LOC128092253: variants seen among roughly 807,000 people sequenced by gnomAD.
At chr6:133,956,064 G>A in the LOC128092253 span, among the ~76,000 whole-genome samples, 1 of 152,164 alleles carries the variant, frequency 6.6e-6, no homozygotes, top group Non-Finnish European at 1.5e-5. Context: ...ATCTAGTTGA[G>A]TGAACATGAG....
the LOC128092253 span, among the ~76,000 whole-genome samples, chr6:133,958,767 G>A: frequency 5.9e-5 from 9 of 151,952 alleles, no homozygotes; most frequent in African/African-American, 1.9e-4. Flanking sequence ...TACTATAGAG[G>A]TTTATATAAA....
At chr6:133,955,552 T>C in the LOC128092253 span, among the ~76,000 whole-genome samples, 6 of 152,208 alleles carry the variant, frequency 3.9e-5, no homozygotes, top group South Asian at 4.1e-4. Flanking sequence ...TCATGTTAGA[T>C]GTTCTGTATT....
At chr6:133,956,322 T>A in the LOC128092253 span, among the ~76,000 whole-genome samples, 3 of 152,230 alleles carry the variant, frequency 2.0e-5, no homozygotes, top group Non-Finnish European at 2.9e-5. Context: ...TTGTTGTGCC[T>A]TCTGTATGTC....
the LOC128092253 span, among the ~76,000 whole-genome samples, chr6:133,967,372 C>T: frequency 6.6e-6 from 1 of 152,108 alleles, no homozygotes; most frequent in African/African-American, 2.4e-5. Context: ...TATATTAGAG[C>T]TTCCATAAAT....
chr6:133,970,966 T>C, the LOC128092253 span, among the ~76,000 whole-genome samples: 2 of 152,150 alleles, frequency 1.3e-5, no homozygotes, highest in Non-Finnish European at 2.9e-5. Flanking sequence ...AAGCCTCTCT[T>C]CTAGCTATTT....
the LOC128092253 span, among the ~76,000 whole-genome samples, chr6:133,972,375 T>A: frequency 2.2e-4 from 33 of 152,350 alleles, no homozygotes; most frequent in Admixed American, 1.0e-3. Flanking sequence ...AGGACCATGT[T>A]ATACAGACAT....
chr6:133,966,534 G>A, the LOC128092253 span, among the ~76,000 whole-genome samples: 2 of 152,102 alleles, frequency 1.3e-5, no homozygotes, highest in East Asian at 3.8e-4. Flanking sequence ...CCTGAGCAAT[G>A]GACTTTTAGC....
the LOC128092253 span, among the ~76,000 whole-genome samples, chr6:133,956,075 G>C: frequency 1.3e-5 from 2 of 152,258 alleles, no homozygotes; most frequent in Admixed American, 1.3e-4. Flanking sequence ...TGAACATGAG[G>C]ACTGTTTTTA....
chr6:133,970,399 T>C, the LOC128092253 span, among the ~76,000 whole-genome samples: 1 of 152,206 alleles, frequency 6.6e-6, no homozygotes, highest in Non-Finnish European at 1.5e-5. Context: ...TGGACATTCT[T>C]ATCTAACCTA....
chr6:133,974,544 G>A, the LOC128092253 span, among the ~76,000 whole-genome samples: 3 of 152,180 alleles, frequency 2.0e-5, no homozygotes, highest in African/African-American at 4.8e-5. Flanking sequence ...GGTCAGGCTG[G>A]TCTCAAACTC....
chr6:133,963,874 CAAAAAA>C, the LOC128092253 span, among the ~76,000 whole-genome samples: 2 of 94,438 alleles, frequency 2.1e-5, no homozygotes, highest in African/African-American at 3.8e-5. Flanking sequence ...ACTAAAAATA[CAAAAAA>C]AAAAAAAAAA....
chr6:133,978,382 TGAGA>T, the LOC128092253 span, among the ~76,000 whole-genome samples: 1 of 152,214 alleles, frequency 6.6e-6, no homozygotes, highest in African/African-American at 2.4e-5. Flanking sequence ...TGTTACAATA[TGAGA>T]ACACTGAGAC....
the LOC128092253 span, among the ~76,000 whole-genome samples, chr6:133,961,441 A>G: frequency 1.4e-5 from 2 of 142,068 alleles, no homozygotes; most frequent in Non-Finnish European, 3.1e-5. Context: ...ATCCTTTAAG[A>G]TCTCTTTTTA....
At chr6:133,972,251 A>AT in the LOC128092253 span, among the ~76,000 whole-genome samples, 1 of 152,236 alleles carries the variant, frequency 6.6e-6, no homozygotes, top group East Asian at 1.9e-4. Context: ...TTCTAACAAA[A>AT]TTAACAGTAA....
At chr6:133,956,839 C>T in the LOC128092253 span, among the ~76,000 whole-genome samples, 6 of 152,154 alleles carry the variant, frequency 3.9e-5, no homozygotes, top group Non-Finnish European at 7.3e-5. Context: ...TGAGTAGACA[C>T]GATATTTGCT....
the LOC128092253 span, among the ~76,000 whole-genome samples, chr6:133,956,768 A>T: frequency 3.6e-4 from 55 of 152,340 alleles, no homozygotes; most frequent in Non-Finnish European, 5.9e-4. Context: ...ACACTTTCTC[A>T]AGCATGATTA....
chr6:133,972,678 G>GTGTT, the LOC128092253 span, among the ~76,000 whole-genome samples: 599 of 151,020 alleles, frequency 4.0e-3, 3 homozygotes, highest in East Asian at 0.023. Context: ...TATGATCTTG[G>GTGTT]TGTTTGTTTG....
the LOC128092253 span, among the ~76,000 whole-genome samples, chr6:133,956,429 A>G: frequency 6.6e-6 from 1 of 152,198 alleles, no homozygotes; most frequent in East Asian, 1.9e-4. Context: ...ACATGTGTGT[A>G]ATAAAACATG....
the LOC128092253 span, among the ~76,000 whole-genome samples, chr6:133,967,326 AATTAG>A: frequency 6.6e-6 from 1 of 152,232 alleles, no homozygotes; most frequent in Non-Finnish European, 1.5e-5. Flanking sequence ...CAGCAGAATG[AATTAG>A]ATTAAGCGGG....
Sources: gnomAD v4.1 joint callset for allele counts (sites outside exome capture counted in the v4.1 genomes callset) on GRCh38, gnomAD v4.1.1 for gene constraint, MANE v1.5 for transcripts.